NKIRAS1: variants seen among roughly 807,000 people sequenced by gnomAD.
The protein encoded by NKIRAS1 is NF-kappa-B inhibitor-interacting Ras-like protein 1.
NKIRAS1 carries 16 observed loss-of-function variants against 19.8 expected under a neutral mutation model. The ratio of observed to expected loss-of-function variants is 0.81; its 90% CI spans 0.55 to 1.23. The LOEUF (loss-of-function observed/expected upper bound fraction) is 1.23, where lower values mean the gene tolerates loss of function less well. NKIRAS1 is among the 50% of genes most tolerant of loss of function. The pLI is 0.00. For synonymous variants in NKIRAS1, 88 were observed against 79.0 expected (o/e 1.11, Z -0.61); for missense variants, 184 against 220.0 (o/e 0.84, Z 1.04).
upstream of NKIRAS1, chr3:23,919,088 A>G (rs1575120757): frequency 4.1e-6 from 3 of 737,598 alleles, no homozygotes; most frequent in Admixed American, 7.3e-5. Flanking sequence ...CTTGAGTAGT[A>G]AAAGACTCTT....
At chr3:23,928,690 A>T (rs1041482918) in intron 1 of NKIRAS1, among the ~76,000 whole-genome samples, 3 of 10,940 alleles carry the variant, frequency 2.7e-4, no homozygotes, top group South Asian at 6.4e-3. Context: ...ATTTAGGCTT[A>T]AAAAAAAAAA....
upstream of NKIRAS1, chr3:23,917,752 C>A (rs951701854): frequency 2.5e-6 from 3 of 1,218,390 alleles, no homozygotes; most frequent in Non-Finnish European, 3.4e-6. Flanking sequence ...TCATTCCCGG[C>A]GGTTTCCTTG....
chr3:23,921,495 G>A (rs1305072760), upstream of NKIRAS1: 29 of 658,728 alleles, frequency 4.4e-5, no homozygotes, highest in Non-Finnish European at 2.4e-5. Context: ...TACCCTGACC[G>A]CCCCACAAGC....
At chr3:23,945,527 G>GGCT (rs1173765850) in intron 1 of NKIRAS1, 1 of 1,109,866 alleles carries the variant, frequency 9.0e-7, no homozygotes, top group Non-Finnish European at 1.1e-6. Flanking sequence ...CGGCGGCGGC[G>GGCT]CTGCCCCCTC....
rs1701496380 is a variant in NKIRAS1, at chr3:23,891,891, G to A, written c.*1204C>T. On this transcript the variant is annotated 3_prime_UTR_variant, in exon 5 of 5. Transcript: ENST00000425478. The stretch of plus-strand genomic sequence containing the variant: ...AAGCTAGATTAATATTCAATAACCG[G>A]GGGAAAAGGGTAAGGGGGTGAGTTA... 1 of 152,100 alleles carries A rather than the reference G, an allele frequency of 6.6e-6. No homozygotes were observed. Among genetic ancestry groups the A allele is most frequent in the Admixed American group, 6.5e-5 (1 of 15,270 alleles). The allele number at this position is 152,100 out of a possible 1,614,324, so 9.4% of individuals were successfully genotyped here.
intron 3 of NKIRAS1, among the ~76,000 whole-genome samples, chr3:23,909,850 TTTTG>T (rs1703479780): frequency 2.6e-5 from 3 of 115,756 alleles, no homozygotes; most frequent in Non-Finnish European, 6.0e-5. Context: ...GCAAAGTTGT[TTTTG>T]TTTTTTTTTG....
intron 1 of NKIRAS1, among the ~76,000 whole-genome samples, chr3:23,938,887 A>T (rs1705443532): frequency 6.6e-6 from 1 of 152,158 alleles, no homozygotes; most frequent in Non-Finnish European, 1.5e-5. Flanking sequence ...AGGAAGTCCA[A>T]AGTAGCCCAC....
At chr3:23,928,289 C>CAAAA (rs1331179828) in intron 1 of NKIRAS1, among the ~76,000 whole-genome samples, 2 of 114,512 alleles carry the variant, frequency 1.7e-5, no homozygotes, top group African/African-American at 6.9e-5. Context: ...GACTCTGTCT[C>CAAAA]AAAAATAAAT....
chr3:23,940,645 CAT>C (rs1443979085), intron 1 of NKIRAS1, among the ~76,000 whole-genome samples: 1 of 152,048 alleles, frequency 6.6e-6, no homozygotes, highest in Non-Finnish European at 1.5e-5. Context: ...ACATAATTTA[CAT>C]AGTGATATAT....
At position 23,943,874 on chromosome 3, in the gene NKIRAS1, G is replaced by T. The variant is rs147490147; in HGVS notation, c.-140+2449C>A. Among the ~76,000 whole-genome samples, 127 of 152,350 alleles carry T rather than the reference G, an allele frequency of 8.3e-4. 2 individuals are homozygous for T. The East Asian group carries it at 0.021, about 25-fold the overall frequency. On this transcript the variant is annotated intron_variant, in intron 1 of 4. Coordinates refer to the NKIRAS1 transcript ENST00000421515. ...CCCACATCTGTGCAGGGCGAAGCAG[G>T]TCAGGTTAAGTCGTTGAATTTTTTC... is the stretch of plus-strand genomic sequence containing the variant.
intron 4 of NKIRAS1, among the ~76,000 whole-genome samples, chr3:23,895,010 T>C (rs1209131680): frequency 6.6e-6 from 1 of 152,186 alleles, no homozygotes; most frequent in Non-Finnish European, 1.5e-5. Flanking sequence ...ACCTCAGCCA[T>C]TCACCACTCC....
intron 1 of NKIRAS1, 157 bp downstream of exon 1, chr3:23,916,627 C>T (rs1704502619): frequency 1.3e-5 from 2 of 152,466 alleles, no homozygotes; most frequent in South Asian, 2.1e-4. Flanking sequence ...GAAGGCCTCC[C>T]TGGGAGGCTG....
intron 1 of NKIRAS1, chr3:23,946,038 C>G (rs537579126): frequency 4.3e-6 from 4 of 927,352 alleles, no homozygotes; most frequent in Middle Eastern, 5.5e-4. Context: ...GGGGCGCGCG[C>G]GCGCGCGCTG....
chr3:23,929,163 A>C (rs1285048795), intron 1 of NKIRAS1, among the ~76,000 whole-genome samples: 1 of 151,980 alleles, frequency 6.6e-6, no homozygotes, highest in Non-Finnish European at 1.5e-5. Flanking sequence ...GGAGTTCGAG[A>C]CCAGCCCGGT....
chr3:23,942,973 C>T (rs891670575), intron 1 of NKIRAS1, among the ~76,000 whole-genome samples: 9 of 152,156 alleles, frequency 5.9e-5, no homozygotes, highest in African/African-American at 2.2e-4. Flanking sequence ...GTCTCCGATT[C>T]TCCAATACCT....
upstream of NKIRAS1, chr3:23,919,038 T>G (rs1305561218): frequency 1.6e-6 from 1 of 621,172 alleles, no homozygotes; most frequent in African/African-American, 1.8e-5. Context: ...ATTATCTCAT[T>G]ACACTTGTGA....
chr3:23,910,927 G>A lies in NKIRAS1; in HGVS notation c.-17-6C>T, dbSNP rs374408719. The A allele has an allele frequency of 1.3e-5, 21 of 1,595,458 alleles. No individual in the cohort carries two copies. Among genetic ancestry groups the A allele is most frequent in the Non-Finnish European group, 1.8e-5 (21 of 1,163,110 alleles). On this transcript the variant is annotated splice_polypyrimidine_tract_variant and splice_region_variant and intron_variant, in intron 2 of 4. Transcript: ENST00000425478. ...CATCTTCTCTCAGGATATCACTGTG[G>A]AGAGAATAACAGGTCTTTTAAATTG... is the stretch of plus-strand genomic sequence containing the variant.
chr3:23,932,748 A>G (rs1396459365), intron 1 of NKIRAS1, among the ~76,000 whole-genome samples: 2 of 151,960 alleles, frequency 1.3e-5, no homozygotes, highest in African/African-American at 2.4e-5. Context: ...GGCAGAGAAG[A>G]TTGCTGGTGC....
At position 23,922,311 on chromosome 3, in the gene NKIRAS1, A is replaced by G. The variant is rs903960945; in HGVS notation, c.-139-10861T>C. ...TACTAGTATTAATCCTTTTTTGCCAATGAGGAAACACAAAGATGAAGCAAC... is the reference window on the plus strand; with the variant it reads ...TACTAGTATTAATCCTTTTTTGCCAGTGAGGAAACACAAAGATGAAGCAAC... On this transcript the variant is annotated intron_variant, in intron 1 of 4. Coordinates refer to the NKIRAS1 transcript ENST00000421515. The surrounding 1 kb of genome is among the most constrained non-coding windows in gnomAD (Gnocchi z 4.2). The G allele has an allele frequency of 6.6e-6, 1 of 152,158 alleles. No homozygotes were observed. Among genetic ancestry groups the G allele is most frequent in the African/African-American group, 2.4e-5 (1 of 41,450 alleles). 9.4% of individuals were successfully genotyped at this position (152,158 alleles called of 1,614,324 possible).
Sources: gnomAD v4.1 joint callset for allele counts (sites outside exome capture counted in the v4.1 genomes callset) on GRCh38, gnomAD v4.1.1 for gene constraint, Gnocchi (gnomAD v3.1) non-coding constraint, MANE v1.5 for transcripts, NCBI Gene and HGNC (gene_info 2026-07-23, HGNC 2026-07-21) for gene names.